The following NSD1 variants were observed in gnomAD, a reference collection of about 807,000 sequenced individuals.
NSD1 encodes nuclear receptor binding SET domain protein 1, also known as histone-lysine N-methyltransferase, H3 lysine-36 specific.
NSD1 carries 26 observed loss-of-function variants against 242.7 expected under a neutral mutation model. The ratio of observed to expected loss-of-function variants is 0.11; its 90% CI spans 0.08 to 0.15. NSD1 has a LOEUF of 0.15. NSD1 is among the 10% of genes least tolerant of loss of function. NSD1 has a pLI of 1.00. For missense variants in NSD1, 2,495 were observed against 3,272.8 expected, an observed-to-expected ratio of 0.76 and a Z score of 5.80; for synonymous variants, 1,106 against 1,178.1, an observed-to-expected ratio of 0.94 and a Z score of 1.25.
At chr5:177,237,109 T>C (rs1376141004) in intron 6 of NSD1, among the ~76,000 whole-genome samples, 1 of 152,134 alleles carries the variant, frequency 6.6e-6, no homozygotes, top group Non-Finnish European at 1.5e-5. Context: ...TCCCAGAGTG[T>C]TGGGATTACA....
intron 17 of NSD1, among the ~76,000 whole-genome samples, chr5:177,274,466 C>A (rs536326039): frequency 6.6e-6 from 1 of 152,268 alleles, no homozygotes; most frequent in East Asian, 1.9e-4. Flanking sequence ...ACCTCAATTA[C>A]TTTTGCACCA....
intron 14 of NSD1, chr5:177,265,443 C>T: frequency 1.6e-6 from 1 of 611,756 alleles, no homozygotes; most frequent in Non-Finnish European, 2.9e-6. Flanking sequence ...GTGCCCTCCC[C>T]ATCCCCCCAG....
chr5:177,244,133 A>T, intron 8 of NSD1, 62 bp from the exon 9 acceptor site: 1 of 1,217,376 alleles, frequency 8.2e-7, no homozygotes, highest in South Asian at 1.2e-5. Flanking sequence ...ACTTTGGCAT[A>T]TAAAGTAAAG....
At chr5:177,182,129 G>A (rs1056331055) in intron 2 of NSD1, among the ~76,000 whole-genome samples, 3 of 150,590 alleles carry the variant, frequency 2.0e-5, no homozygotes, top group Non-Finnish European at 3.0e-5. Flanking sequence ...TCCAGCCTGG[G>A]TGACAGAGTG....
intron 20 of NSD1, 84 bp from the exon 21 acceptor site, chr5:177,288,733 CTT>C: frequency 1.1e-6 from 1 of 945,970 alleles, no homozygotes; most frequent in East Asian, 2.4e-5. Flanking sequence ...AATCTGTTCT[CTT>C]GGGAGTTGGT....
chr5:177,197,452 C>A (rs1442608951), intron 3 of NSD1, among the ~76,000 whole-genome samples: 2 of 152,074 alleles, frequency 1.3e-5, no homozygotes, highest in Non-Finnish European at 2.9e-5. Flanking sequence ...GAAACCCTGT[C>A]TCTACTAAAA....
At chr5:177,293,250 C>A (rs138412138) in intron 22 of NSD1, among the ~76,000 whole-genome samples, 238 of 152,268 alleles carry the variant, frequency 1.6e-3, no homozygotes, top group Middle Eastern at 6.8e-3. Flanking sequence ...CAGGTAAAAG[C>A]TTAGGTCAGC....
intron 5 of NSD1, among the ~76,000 whole-genome samples, chr5:177,219,288 C>T (rs760137634): frequency 1.3e-5 from 2 of 151,762 alleles, no homozygotes; most frequent in Non-Finnish European, 2.9e-5. Context: ...CGGGTTCAAG[C>T]GATTGTCCTG....
At chr5:177,180,660 TTTTATTA>T (rs1312387585) in intron 2 of NSD1, among the ~76,000 whole-genome samples, 2 of 152,016 alleles carry the variant, frequency 1.3e-5, no homozygotes, top group Admixed American at 6.6e-5. Flanking sequence ...TTGTTTTTCT[TTTTATTA>T]TTTATTTATT....
At position 177,210,025 on chromosome 5, in the gene NSD1, A is replaced by G. The variant is rs766505949; in HGVS notation, c.1626A>G (p.Ile542Met). ...NLGLNFISGD[I>M]SDTQASNELS... ...GCCTAAACTTTATCTCTGGGGATATATCTGATACGCAGGCCTCTAATGAAC... is the reference window on the plus strand; with the variant it reads ...GCCTAAACTTTATCTCTGGGGATATGTCTGATACGCAGGCCTCTAATGAAC... The change falls in exon 5 of 23, where the codon ATA becomes ATG. Residue 542 changes from isoleucine to methionine, a missense_variant. Transcript: ENST00000439151. 2 of 1,614,058 alleles carry G rather than the reference A, an allele frequency of 1.2e-6. No homozygotes were observed. Among genetic ancestry groups the G allele is most frequent in the East Asian group, 2.2e-5 (1 of 44,900 alleles).
intron 22 of NSD1, 49 bp from the exon 23 acceptor site, chr5:177,293,783 A>C (rs1388693375): frequency 6.2e-7 from 1 of 1,600,780 alleles, no homozygotes; most frequent in Admixed American, 1.7e-5. Flanking sequence ...GGCCCATGTG[A>C]TATGTATCTC....
At chr5:177,188,152 T>G (rs1279606460) in intron 2 of NSD1, among the ~76,000 whole-genome samples, 1 of 152,228 alleles carries the variant, frequency 6.6e-6, no homozygotes, top group African/African-American at 2.4e-5. Flanking sequence ...CATAGGTGTT[T>G]ACTAAGTTTG....
chr5:177,266,728 G>A (rs928652693), intron 14 of NSD1: 1 of 267,358 alleles, frequency 3.7e-6, no homozygotes, highest in East Asian at 7.3e-5. Flanking sequence ...CCCCACTTCA[G>A]GGTAAAACTT....
chr5:177,268,470 A>G (rs865835962), intron 15 of NSD1, among the ~76,000 whole-genome samples: 2 of 152,052 alleles, frequency 1.3e-5, no homozygotes, highest in Non-Finnish European at 2.9e-5. Context: ...AACTTAAAGT[A>G]TAATAATAAT....
At chr5:177,227,155 G>A (rs1462178220) in intron 5 of NSD1, among the ~76,000 whole-genome samples, 2 of 152,150 alleles carry the variant, frequency 1.3e-5, no homozygotes, top group African/African-American at 2.4e-5. Flanking sequence ...AAATAGATTG[G>A]CCATGAATTT....
rs1396528686 is a variant in NSD1 at position 177,300,017 on chromosome 5, CG to C, written c.*4564del. ...CTACCTATATTGTTAAGAAAGGGGT[CG>C]GGGGGATCAGCCAAGGTCCATCATT... On this transcript the variant is annotated 3_prime_UTR_variant, in exon 23 of 23. Transcript: ENST00000439151. 1.6e-5 allele frequency: 3 copies of C among 190,174 alleles called. No individual in the cohort carries two copies. The East Asian group carries it at 2.6e-4, about 16-fold the overall frequency. 11.8% of individuals were successfully genotyped at this position (190,174 alleles called of 1,614,324 possible).
chr5:177,241,488 G>A (rs1425476405), intron 8 of NSD1, among the ~76,000 whole-genome samples: 4 of 151,622 alleles, frequency 2.6e-5, no homozygotes, highest in Non-Finnish European at 4.4e-5. Flanking sequence ...CTAGGCGACA[G>A]AGCGAGACTC....
intron 12 of NSD1, among the ~76,000 whole-genome samples, chr5:177,253,266 G>A (rs1320539637): frequency 6.6e-6 from 1 of 152,106 alleles, no homozygotes; most frequent in African/African-American, 2.4e-5. Flanking sequence ...ATATTATAGG[G>A]TCAAGAGAAA....
intron 2 of NSD1, among the ~76,000 whole-genome samples, chr5:177,144,483 T>C (rs2149768157): frequency 6.6e-6 from 1 of 152,304 alleles, no homozygotes; most frequent in Non-Finnish European, 1.5e-5. Context: ...CAGGAGCATT[T>C]GTTGTATTTT....
Sources: allele counts gnomAD v4.1 joint callset (sites outside exome capture counted in the v4.1 genomes callset), GRCh38; gene constraint gnomAD v4.1.1; transcripts MANE v1.5; gene names NCBI Gene and HGNC (gene_info 2026-07-23, HGNC 2026-07-21).